Variants in CD300A observed in about 807,000 individuals in gnomAD.
CD300A encodes the protein CD300a molecule.
Under a neutral mutation model 33.6 loss-of-function variants are expected in CD300A, and 22 were observed. The ratio of observed to expected loss-of-function variants is 0.66; its 90% confidence interval spans 0.47 to 0.94. The LOEUF is 0.94. CD300A is among the 40% of genes least tolerant of loss of function. The pLI is 0.00. For synonymous variants in CD300A, 136 were observed against 148.1 expected (o/e 0.92, Z 0.59); for missense variants, 326 against 360.5 (o/e 0.90, Z 0.77).
At position 74,468,095 on chromosome 17, in the gene CD300A, C is replaced by T. The variant is rs1174696810; in HGVS notation, c.40+1352C>T. Among the ~76,000 whole-genome samples the T allele has an allele frequency of 2.6e-5, 4 of 151,586 alleles. No individual in the cohort carries two copies. The East Asian group carries it at 5.8e-4, about 22-fold the overall frequency. On this transcript the variant is annotated intron_variant, in intron 1 of 6. Transcript: ENST00000360141. ...TGTTGCCCAGGCTGGAGTGCAGTGG[C>T]GCGATCTTGGCTCACTGCAACCTAC...
intron 1 of CD300A, chr17:74,469,992 G>A: frequency 3.0e-6 from 3 of 985,426 alleles, no homozygotes; most frequent in Non-Finnish European, 3.6e-6. Flanking sequence ...GTGGGTGTGT[G>A]TGTTCCTCTT....
At position 74,484,223 on chromosome 17, in the gene CD300A, C is replaced by T. The variant is rs1309742218; in HGVS notation, c.*97C>T. 36 of 1,349,772 alleles carry T rather than the reference C, an allele frequency of 2.7e-5. No individual in the cohort carries two copies. Among genetic ancestry groups the T allele is most frequent in the Non-Finnish European group, 3.3e-5 (32 of 976,650 alleles). The allele number at this position is 1,349,772 out of a possible 1,614,324, so 83.6% of individuals were successfully genotyped here. ...GCCCACGTCCTTCTCAGCCTGCCCT[C>T]GACAACAGTGACCAACAGACAGGCA... On this transcript the variant is annotated 3_prime_UTR_variant, in exon 7 of 7. Transcript: ENST00000360141.
Position 74,481,729 on chromosome 17 carries a change from G to GCCA in CD300A, c.672_674dup (p.Thr225dup). 6.2e-7 allele frequency: 1 copy of GCCA among 1,607,522 alleles called. No individual in the cohort carries two copies. Among genetic ancestry groups the GCCA allele is most frequent in the South Asian group, 1.1e-5 (1 of 89,794 alleles). ...CTGGGACCTCCTGCCCACCCAGGCT[G>GCCA]CCACGCAGAGTGAGCTGCACTACGC... On this transcript the variant is annotated inframe_insertion, in exon 6 of 7. Coordinates refer to ENST00000360141, the MANE Select transcript of CD300A (RefSeq NM_007261.4).
chr17:74,480,219 CTA>C lies in CD300A; in HGVS notation c.629-1067_629-1066del, dbSNP rs1288943968. 6.6e-6 allele frequency among the ~76,000 whole-genome samples: 1 copy of C among 152,156 alleles called. No homozygotes were observed. Among genetic ancestry groups the C allele is most frequent in the Admixed American group, 6.5e-5 (1 of 15,290 alleles). On this transcript the variant is annotated intron_variant, in intron 4 of 6. Coordinates refer to ENST00000360141, the MANE Select transcript of CD300A (RefSeq NM_007261.4). The surrounding 1 kb of genome is among the most constrained non-coding windows in gnomAD (Gnocchi z 4.2). Reference sequence around the variant, plus strand: ...CAGCTGTGGCTCAGCAAGCCCGTCACTATACGTGGTCTTGTGTCTCCCAACCG... The same window carrying C: ...CAGCTGTGGCTCAGCAAGCCCGTCACTACGTGGTCTTGTGTCTCCCAACCG...
At chr17:74,467,692 C>G (rs1905816473) in intron 1 of CD300A, among the ~76,000 whole-genome samples, 1 of 152,196 alleles carries the variant, frequency 6.6e-6, no homozygotes, top group Non-Finnish European at 1.5e-5. Flanking sequence ...TTGCTAACTA[C>G]TTGTCTGTGG....
intron 1 of CD300A, among the ~76,000 whole-genome samples, chr17:74,467,604 T>C (rs898716671): frequency 3.3e-5 from 5 of 152,228 alleles, no homozygotes; most frequent in African/African-American, 1.2e-4. Flanking sequence ...CTGTGCAGAC[T>C]CCTCAGGCCT....
In CD300A at chr17:74,484,039, G is replaced by A. The variant is rs142250403; in HGVS notation, c.813G>A (p.Val271=). 1.3e-5 allele frequency: 21 copies of A among 1,613,868 alleles called. No individual in the cohort carries two copies. The highest frequency in any genetic ancestry group is 1.6e-5 in the Non-Finnish European group (19 of 1,179,970). ...PREELHYASV[V]FDSNTNRIAA... ...AAGAACTTCACTATGCCTCGGTGGT[G>A]TTTGATTCTAACACCAACAGGATAG... Residue 271 remains valine (V), a synonymous_variant, in exon 7 of 7, where the codon GTG becomes GTA. Coordinates refer to ENST00000360141, the MANE Select transcript of CD300A (RefSeq NM_007261.4).
chr17:74,475,571 G>A (rs569500280), intron 3 of CD300A, among the ~76,000 whole-genome samples: 47 of 152,242 alleles, frequency 3.1e-4, no homozygotes, highest in Middle Eastern at 3.4e-3. Flanking sequence ...TGACATCTAT[G>A]GACACTCTCC....
At chr17:74,467,909 G>A (rs1905829065) in intron 1 of CD300A, among the ~76,000 whole-genome samples, 1 of 152,140 alleles carries the variant, frequency 6.6e-6, no homozygotes, top group Admixed American at 6.5e-5. Context: ...TAGTGGTAGT[G>A]GTTGTCCCTG....
chr17:74,474,443 T>A (rs775967645), intron 2 of CD300A, 89 bp from the exon 3 acceptor site: 217 of 1,358,004 alleles, frequency 1.6e-4, no homozygotes, highest in Non-Finnish European at 2.2e-4. Context: ...TAGTGGGCAG[T>A]TTGTGTGAAA....
chr17:74,475,527 A>G (rs2144520130), intron 3 of CD300A, among the ~76,000 whole-genome samples: 1 of 152,242 alleles, frequency 6.6e-6, no homozygotes, highest in South Asian at 2.1e-4. Flanking sequence ...GTGGTTCTTA[A>G]CCTTTTTCGG....
chr17:74,478,990 G>A (rs1906659238), intron 4 of CD300A, among the ~76,000 whole-genome samples: 2 of 152,118 alleles, frequency 1.3e-5, no homozygotes, highest in African/African-American at 4.8e-5. Context: ...GCCCCTTTCG[G>A]TTTCCTTTGT....
At position 74,474,540 on chromosome 17, in the gene CD300A, T is replaced by A; in HGVS notation, c.388T>A (p.Ser130Thr). Reference protein sequence around the residue: ...VEVSVFPASTSMTPASITAAK... With the variant: ...VEVSVFPASTTMTPASITAAK... ...TGTGGTTTTGCCACCAGCATCAACG[T>A]CAATGACACCTGCAAGTATCACTGC... is the stretch of plus-strand genomic sequence containing the variant. The change falls in exon 3 of 7, where the codon TCA (serine) becomes ACA (threonine). Residue 130 changes from serine to threonine, a missense_variant. Physicochemically the swap from Ser to Thr is moderately conservative, Grantham distance 58. Transcript: ENST00000360141. The A allele has an allele frequency of 6.2e-7, 1 of 1,614,000 alleles. No homozygotes were observed. The highest frequency in any genetic ancestry group is 8.5e-7 in the Non-Finnish European group (1 of 1,179,930).
chr17:74,482,294 G>A (rs1258707815), intron 6 of CD300A, among the ~76,000 whole-genome samples: 3 of 151,982 alleles, frequency 2.0e-5, no homozygotes, highest in African/African-American at 7.3e-5. Flanking sequence ...GCTAGTGGGA[G>A]AGTTCAAGCA....
chr17:74,482,732 T>TCCTTCCTTTCCTTCCTTCCTTCCTTCC (rs1555639394), intron 6 of CD300A, among the ~76,000 whole-genome samples: 2 of 132,948 alleles, frequency 1.5e-5, no homozygotes, highest in African/African-American at 7.7e-5. Flanking sequence ...CTTTCTTTCT[T>TCCTTCCTTTCCTTCCTTCCTTCCTTCC]TGGAATCTCG....
chr17:74,473,776 C>T lies in CD300A; in HGVS notation c.281C>T (p.Thr94Ile), dbSNP rs141175953. 6.8e-6 allele frequency: 11 copies of T among 1,614,116 alleles called. No homozygotes were observed. The African/African-American group carries it at 1.5e-4, about 22-fold the overall frequency. Residue 94 changes from threonine (T) to isoleucine (I), a missense_variant, in exon 2 of 7, where the codon ACA (threonine) becomes ATA (isoleucine). Thr to Ile is a moderately conservative substitution (Grantham distance 89, BLOSUM62 -1). Coordinates refer to ENST00000360141, the MANE Select transcript of CD300A (RefSeq NM_007261.4). ...TTCACAGTGACCCTGGAGAATCTCA[C>T]AGAGGAGGATGCAGGCACCTACTGG... ...LSFTVTLENL[T>I]EEDAGTYWCG...
In CD300A at chr17:74,477,445, G is replaced by T. The variant is rs750946211; in HGVS notation, c.543G>T (p.Leu181=). 1.9e-6 allele frequency: 3 copies of T among 1,613,606 alleles called. No homozygotes were observed. The highest frequency in any genetic ancestry group is 1.7e-6 in the Non-Finnish European group (2 of 1,179,740). ...TEEVVNSQLP[L]LLSLLALLLL... is the part of the protein sequence containing the mutation. ...CCTGTGCCTCCTCCAGGCTCCCGCT[G>T]CTCCTCTCCCTGCTGGCATTGTTGC... is the stretch of plus-strand genomic sequence containing the variant. Residue 181 remains leucine (L), a synonymous_variant, in exon 4 of 7, where the codon CTG becomes CTT. Coordinates refer to ENST00000360141, the MANE Select transcript of CD300A (RefSeq NM_007261.4).
intron 3 of CD300A, among the ~76,000 whole-genome samples, chr17:74,476,426 G>A (rs926019937): frequency 6.6e-6 from 1 of 152,338 alleles, no homozygotes; most frequent in Admixed American, 6.5e-5. Context: ...GCTTGAACAT[G>A]CCACTTCCAG....
At chr17:74,473,441 C>T in intron 1 of CD300A, 95 bp from the exon 2 acceptor site, 1 of 1,216,998 alleles carries the variant, frequency 8.2e-7, no homozygotes, top group Non-Finnish European at 1.2e-6. Flanking sequence ...CCGCTGCCTC[C>T]TCCACACCCC....
Sources: gnomAD v4.1 joint callset for allele counts (sites outside exome capture counted in the v4.1 genomes callset) on GRCh38, gnomAD v4.1.1 for gene constraint, Gnocchi (gnomAD v3.1) non-coding constraint, MANE v1.5 for transcripts, NCBI Gene and HGNC (gene_info 2026-07-23, HGNC 2026-07-21) for gene names.